ZNF385D: variants seen among roughly 807,000 people sequenced by gnomAD.
The protein encoded by ZNF385D is zinc finger protein 385D, also known as zinc finger protein 659.
ZNF385D carries 15 observed loss-of-function variants against 35.8 expected under a neutral mutation model. The ratio of observed to expected loss-of-function variants is 0.42; its 90% CI spans 0.28 to 0.64. ZNF385D has a LOEUF of 0.64. Ranked by LOEUF, ZNF385D falls within the 30% of genes least tolerant of loss-of-function variation. The pLI, the probability that ZNF385D is intolerant of heterozygous loss-of-function variation, is 0.23. For missense variants in ZNF385D, 474 were observed against 494.6 expected (o/e 0.96, Z 0.39); for synonymous variants, 212 against 186.8 (o/e 1.13, Z -1.10).
At chr3:22,025,604 A>C (rs2125464092) in intron 3 of ZNF385D, among the ~76,000 whole-genome samples, 1 of 152,310 alleles carries the variant, frequency 6.6e-6, no homozygotes, top group African/African-American at 2.4e-5. Flanking sequence ...GAGTTTAAAA[A>C]GGTTCTAACA....
intron 3 of ZNF385D, among the ~76,000 whole-genome samples, chr3:22,135,174 T>C (rs567820540): frequency 1.7e-4 from 26 of 152,066 alleles, no homozygotes; most frequent in African/African-American, 6.3e-4. Context: ...GACTTACAAA[T>C]TGAAAAGAAA....
intron 3 of ZNF385D, among the ~76,000 whole-genome samples, chr3:21,815,283 G>C (rs2073096636): frequency 6.6e-6 from 1 of 152,108 alleles, no homozygotes; most frequent in African/African-American, 2.4e-5. Context: ...AACTAGAGAA[G>C]CAAGAGCAAA....
At chr3:22,027,261 T>C (rs181804344) in intron 3 of ZNF385D, among the ~76,000 whole-genome samples, 11 of 152,308 alleles carry the variant, frequency 7.2e-5, no homozygotes, top group Admixed American at 5.2e-4. Flanking sequence ...CATTTGGGTG[T>C]GCTACTCTGG....
intron 3 of ZNF385D, among the ~76,000 whole-genome samples, chr3:21,914,254 G>A (rs1700091935): frequency 6.6e-6 from 1 of 151,996 alleles, no homozygotes; most frequent in Non-Finnish European, 1.5e-5. Flanking sequence ...TTCTTGAAGG[G>A]GGTGAGTTAA....
intron 1 of ZNF385D, among the ~76,000 whole-genome samples, chr3:21,693,367 G>A (rs1195811283): frequency 6.6e-6 from 1 of 151,238 alleles, no homozygotes; most frequent in Non-Finnish European, 1.5e-5. Context: ...CATCTTGGGG[G>A]CATACCTTTG....
At chr3:21,656,262 A>G (rs1254402728) in intron 2 of ZNF385D, among the ~76,000 whole-genome samples, 1 of 151,950 alleles carries the variant, frequency 6.6e-6, no homozygotes, top group East Asian at 1.9e-4. Context: ...TCCTTTTCCT[A>G]TTAAGGGTTG....
intron 3 of ZNF385D, among the ~76,000 whole-genome samples, chr3:21,817,898 A>G (rs12494327): frequency 0.089 from 13,513 of 152,224 alleles, 727 homozygotes; most frequent in Middle Eastern, 0.13. Flanking sequence ...TTGTGGCACT[A>G]CTCACAATAG....
At chr3:21,950,965 G>A (rs1253963652) in intron 3 of ZNF385D, among the ~76,000 whole-genome samples, 2 of 151,708 alleles carry the variant, frequency 1.3e-5, no homozygotes, top group Admixed American at 6.6e-5. Context: ...AGTATAGTTG[G>A]AAGTCAGGTA....
intron 3 of ZNF385D, among the ~76,000 whole-genome samples, chr3:21,789,279 A>G (rs1006406506): frequency 1.3e-5 from 2 of 152,194 alleles, no homozygotes; most frequent in African/African-American, 4.8e-5. Context: ...TATACTGCCT[A>G]CAATGATAAA....
At chr3:21,814,106 A>C (rs9840593) in intron 3 of ZNF385D, among the ~76,000 whole-genome samples, 1 of 151,960 alleles carries the variant, frequency 6.6e-6, no homozygotes, top group Non-Finnish European at 1.5e-5. Flanking sequence ...ACTAAGCTTC[A>C]TAAGTGAAGG....
At chr3:21,973,036 G>A (rs1703363562) in intron 3 of ZNF385D, among the ~76,000 whole-genome samples, 1 of 151,658 alleles carries the variant, frequency 6.6e-6, no homozygotes, top group South Asian at 2.1e-4. Flanking sequence ...TTCTGAAAAG[G>A]GGAGAGGGAA....
intron 3 of ZNF385D, among the ~76,000 whole-genome samples, chr3:21,938,708 C>A (rs1185475622): frequency 2.0e-5 from 3 of 152,182 alleles, no homozygotes; most frequent in African/African-American, 7.2e-5. Flanking sequence ...GCTTCATGTG[C>A]ACTTTCCCCT....
At chr3:22,371,771 A>G (rs1696917545) in intron 2 of ZNF385D, among the ~76,000 whole-genome samples, 1 of 152,160 alleles carries the variant, frequency 6.6e-6, no homozygotes, top group South Asian at 2.1e-4. Context: ...GGCCAAGAAG[A>G]CAATCAGATT....
chr3:22,241,445 G>A (rs1699488422), intron 2 of ZNF385D, among the ~76,000 whole-genome samples: 1 of 151,150 alleles, frequency 6.6e-6, no homozygotes, highest in Non-Finnish European at 1.5e-5. Context: ...TTTCTCGTCT[G>A]AATCACTAGG....
chr3:21,857,899 C>G (rs1342256272), intron 3 of ZNF385D, among the ~76,000 whole-genome samples: 1 of 151,798 alleles, frequency 6.6e-6, no homozygotes, highest in African/African-American at 2.4e-5. Context: ...AGCCATGGAA[C>G]AAATGCAAGG....
chr3:22,357,899 A>C (rs937429664), intron 2 of ZNF385D, among the ~76,000 whole-genome samples: 4 of 152,016 alleles, frequency 2.6e-5, no homozygotes, highest in African/African-American at 9.6e-5. Context: ...CCAGGTGATC[A>C]GAAGAAGGAG....
chr3:22,097,898 C>T (rs1701715243), intron 3 of ZNF385D, among the ~76,000 whole-genome samples: 1 of 151,946 alleles, frequency 6.6e-6, no homozygotes, highest in Non-Finnish European at 1.5e-5. Context: ...ACCCCTAGCC[C>T]ATAAGAACCT....
chr3:22,094,034 A>G (rs1340750901), intron 3 of ZNF385D, among the ~76,000 whole-genome samples: 3 of 152,120 alleles, frequency 2.0e-5, no homozygotes, highest in Admixed American at 6.6e-5. Context: ...ACAAATTTTA[A>G]TAAGTGGGTT....
At chr3:22,073,041 C>G (rs536964761) in intron 3 of ZNF385D, among the ~76,000 whole-genome samples, 5 of 152,018 alleles carry the variant, frequency 3.3e-5, no homozygotes, top group African/African-American at 1.2e-4. Context: ...CCAAACACCT[C>G]AAGTCACCAT....
Sources: allele counts gnomAD v4.1 joint callset (sites outside exome capture counted in the v4.1 genomes callset), GRCh38; gene constraint gnomAD v4.1.1; transcripts MANE v1.5; gene names NCBI Gene and HGNC (gene_info 2026-07-23, HGNC 2026-07-21).